Variants in AMPH observed in about 807,000 individuals in gnomAD.
AMPH encodes amphiphysin.
AMPH carries 49 observed loss-of-function variants against 99.1 expected under a neutral mutation model. The ratio of observed to expected loss-of-function variants is 0.49; its 90% CI spans 0.39 to 0.63. The LOEUF (loss-of-function observed/expected upper bound fraction) is 0.63, where lower values mean the gene tolerates loss of function less well. AMPH is among the 20% of genes least tolerant of loss of function. AMPH has a pLI of 0.00. For synonymous variants in AMPH, 314 were observed against 317.3 expected (o/e 0.99, Z 0.11); for missense variants, 759 against 863.4 (o/e 0.88, Z 1.52).
At chr7:38,441,844 T>TATATATC (rs1226324826) in intron 11 of AMPH, among the ~76,000 whole-genome samples, 6 of 97,542 alleles carry the variant, frequency 6.2e-5, no homozygotes, top group African/African-American at 1.4e-4. Flanking sequence ...TCATATATCA[T>TATATATC]ATATATCATA....
intron 1 of AMPH, among the ~76,000 whole-genome samples, chr7:38,546,068 G>A (rs921904201): frequency 1.3e-5 from 2 of 152,136 alleles, no homozygotes; most frequent in African/African-American, 4.8e-5. Context: ...GTTTGTCCAC[G>A]TGGTCGTTTT....
chr7:38,552,968 G>A (rs1253590948), intron 1 of AMPH, among the ~76,000 whole-genome samples: 14 of 152,184 alleles, frequency 9.2e-5, no homozygotes, highest in African/African-American at 2.2e-4. Flanking sequence ...CCAGGGGAAC[G>A]GACCCAATGG....
chr7:38,515,481 A>AAGT (rs1457096128), intron 2 of AMPH, among the ~76,000 whole-genome samples: 10 of 152,244 alleles, frequency 6.6e-5, no homozygotes, highest in Admixed American at 2.0e-4. Flanking sequence ...CTCCACCATG[A>AAGT]TTGTAAGTTT....
At chr7:38,559,216 C>T (rs1232704090) in intron 1 of AMPH, among the ~76,000 whole-genome samples, 1 of 152,240 alleles carries the variant, frequency 6.6e-6, no homozygotes, top group Non-Finnish European at 1.5e-5. Flanking sequence ...GAAATCACAA[C>T]CAGTTACCCA....
At chr7:38,413,379 AAAG>A (rs1785269795) in intron 17 of AMPH, among the ~76,000 whole-genome samples, 1 of 152,198 alleles carries the variant, frequency 6.6e-6, no homozygotes, top group Non-Finnish European at 1.5e-5. Context: ...ATGAAAAAAA[AAAG>A]AGAAGGAAAA....
chr7:38,601,643 T>C (rs1367016583), intron 1 of AMPH, among the ~76,000 whole-genome samples: 1 of 152,188 alleles, frequency 6.6e-6, no homozygotes, highest in Non-Finnish European at 1.5e-5. Context: ...AGTATTAACA[T>C]AGTCGTATTT....
At chr7:38,457,083 C>T (rs1002261007) in intron 11 of AMPH, among the ~76,000 whole-genome samples, 1 of 152,206 alleles carries the variant, frequency 6.6e-6, no homozygotes, top group African/African-American at 2.4e-5. Flanking sequence ...AACATATATA[C>T]ATCTTCAGAG....
chr7:38,407,048 C>CTCTCTCTCTCTCTA (rs1241166935), intron 17 of AMPH, among the ~76,000 whole-genome samples: 8 of 31,240 alleles, frequency 2.6e-4, no homozygotes, highest in Non-Finnish European at 4.3e-4. Flanking sequence ...CTCTCTCTCT[C>CTCTCTCTCTCTCTA]TATATATATA....
intron 6 of AMPH, among the ~76,000 whole-genome samples, chr7:38,475,741 C>G (rs75293107): frequency 0.096 from 14,675 of 152,140 alleles, 942 homozygotes; most frequent in Middle Eastern, 0.2. Flanking sequence ...AATTCCCAGC[C>G]TAGTGGAAAG....
intron 1 of AMPH, among the ~76,000 whole-genome samples, chr7:38,600,912 G>C (rs529200569): frequency 2.6e-5 from 4 of 152,172 alleles, no homozygotes; most frequent in Non-Finnish European, 5.9e-5. Context: ...TACCCATGCT[G>C]GCAGTGAGCC....
At chr7:38,422,624 T>G in intron 15 of AMPH, 147 bp from the exon 16 acceptor site, 2 of 665,682 alleles carry the variant, frequency 3.0e-6, no homozygotes, top group East Asian at 5.9e-5. Flanking sequence ...CGACACTCTA[T>G]CTATCTAATT....
At chr7:38,467,640 A>ATGTGTGTGTG (rs70977407) in intron 7 of AMPH, among the ~76,000 whole-genome samples, 8,054 of 148,762 alleles carry the variant, frequency 0.054, 232 homozygotes, top group African/African-American at 0.056. Context: ...CAATGGAAAT[A>ATGTGTGTGTG]TGTGTGTGTG....
chr7:38,570,156 T>A (rs1412081887), intron 1 of AMPH, among the ~76,000 whole-genome samples: 5 of 152,136 alleles, frequency 3.3e-5, no homozygotes, highest in Admixed American at 1.3e-4. Context: ...AAATGCAGTC[T>A]TTTGGTGAGA....
chr7:38,486,255 T>C (rs1788489670), intron 5 of AMPH, among the ~76,000 whole-genome samples: 1 of 150,698 alleles, frequency 6.6e-6, no homozygotes, highest in African/African-American at 2.4e-5. Flanking sequence ...TGAAAGGTGA[T>C]ATATTACAAC....
chr7:38,467,797 T>C (rs143991755), intron 7 of AMPH, among the ~76,000 whole-genome samples: 1 of 152,110 alleles, frequency 6.6e-6, no homozygotes, highest in Non-Finnish European at 1.5e-5. Flanking sequence ...TGAGTGGATA[T>C]GGGCAGAAAC....
rs1318662115 is a variant in AMPH at position 38,407,094 on chromosome 7, G to A, written c.1398+10731C>T. Among the ~76,000 whole-genome samples the A allele has an allele frequency of 6.0e-3, 540 of 89,420 alleles. 1 individual carries two copies. The highest frequency in any genetic ancestry group is 9.6e-3 in the Non-Finnish European group (414 of 42,968). 58.7% of individuals were successfully genotyped at this position (89,420 alleles called of 152,430 possible). A position where few individuals can be genotyped will look rare whatever the true frequency, so the allele number is the denominator to read the frequency against. On this transcript the variant is annotated intron_variant, in intron 17 of 20. Coordinates refer to ENST00000356264, the MANE Select transcript of AMPH (RefSeq NM_001635.4). ...TATATATATGTGTGTGTGTGTGTGTGTGTGTGTGTGTGTGTGTGTGTATAA... is the reference window on the plus strand; with the variant it reads ...TATATATATGTGTGTGTGTGTGTGTATGTGTGTGTGTGTGTGTGTGTATAA...
At chr7:38,572,899 A>G (rs1792103239) in intron 1 of AMPH, among the ~76,000 whole-genome samples, 1 of 152,196 alleles carries the variant, frequency 6.6e-6, no homozygotes, top group Non-Finnish European at 1.5e-5. Context: ...GAAGACAAGC[A>G]GGCCCAGGAC....
At chr7:38,399,943 T>C (rs935784122) in intron 17 of AMPH, among the ~76,000 whole-genome samples, 2 of 152,214 alleles carry the variant, frequency 1.3e-5, no homozygotes, top group African/African-American at 4.8e-5. Flanking sequence ...ATGAGGTCTA[T>C]GAGGTGCAGA....
At chr7:38,487,086 C>T (rs1219302247) in intron 5 of AMPH, among the ~76,000 whole-genome samples, 1 of 152,106 alleles carries the variant, frequency 6.6e-6, no homozygotes, top group East Asian at 1.9e-4. Flanking sequence ...AAATAAAATT[C>T]ATCCAGATTG....
Sources: gnomAD v4.1 joint callset for allele counts (sites outside exome capture counted in the v4.1 genomes callset) on GRCh38, gnomAD v4.1.1 for gene constraint, MANE v1.5 for transcripts, NCBI Gene and HGNC (gene_info 2026-07-23, HGNC 2026-07-21) for gene names.